COLQ: variants seen among roughly 807,000 people sequenced by gnomAD.
COLQ encodes the protein acetylcholinesterase collagenic tail peptide.
Under a neutral mutation model 69.0 loss-of-function variants are expected in COLQ, and 48 were observed. The observed-to-expected ratio is 0.70, with a 90% CI of 0.55 to 0.88. The LOEUF is 0.88. Ranked by LOEUF, COLQ falls within the 40% of genes least tolerant of loss-of-function variation. COLQ has a pLI of 0.00. For synonymous variants in COLQ, 217 were observed against 211.2 expected, an observed-to-expected ratio of 1.03 and a Z score of -0.24; for missense variants, 618 against 594.6, an observed-to-expected ratio of 1.04 and a Z score of -0.41.
intron 3 of COLQ, among the ~76,000 whole-genome samples, chr3:15,485,110 T>C (rs919064254): frequency 1.3e-5 from 2 of 151,972 alleles, no homozygotes; most frequent in African/African-American, 4.8e-5. Flanking sequence ...TTAGTTTTCC[T>C]TCTAACAGTC....
chr3:15,503,165 G>A (rs1346920014), intron 1 of COLQ, among the ~76,000 whole-genome samples: 1 of 152,144 alleles, frequency 6.6e-6, no homozygotes, highest in African/African-American at 2.4e-5. Flanking sequence ...GTCTGGTGGG[G>A]CAGTTTCCGG....
At position 15,474,053 on chromosome 3, in the gene COLQ, A is replaced by G. The variant is rs765946214; in HGVS notation, c.601-18T>C. 3 of 1,614,146 alleles carry G rather than the reference A, an allele frequency of 1.9e-6. No homozygotes were observed. The highest frequency in any genetic ancestry group is 4.5e-5 in the East Asian group (2 of 44,880). On this transcript the variant is annotated intron_variant, in intron 9 of 16. Coordinates refer to ENST00000383788, the MANE Select transcript of COLQ (RefSeq NM_005677.4). ...GGGAAACCCTGTGAAAAGAGCAACA[A>G]ATAATTGTGATCACCTCTGAAATAA...
chr3:15,463,134 G>A (rs1327974961), intron 12 of COLQ, among the ~76,000 whole-genome samples: 1 of 152,088 alleles, frequency 6.6e-6, no homozygotes, highest in Non-Finnish European at 1.5e-5. Context: ...CTCCAGCCTA[G>A]CCCTTCTCAT....
Position 15,478,941 on chromosome 3 carries a change from G to A in COLQ, c.393+36C>T, listed in dbSNP as rs774324184. The A allele has an allele frequency of 8.1e-6, 13 of 1,613,556 alleles. No individual in the cohort carries two copies. In the South Asian group the frequency reaches 9.9e-5, roughly 12 times the overall value. On this transcript the variant is annotated intron_variant, in intron 5 of 16. Transcript: ENST00000383788. ...GCATGCACACACATGAAGCACAGAC[G>A]CTCATGTGACACTCACAGAACAGCG...
chr3:15,470,644 AG>A, intron 10 of COLQ, 28 bp from the exon 11 acceptor site: 5 of 1,607,664 alleles, frequency 3.1e-6, no homozygotes, highest in Non-Finnish European at 4.3e-6. Flanking sequence ...GAAGCAAGAG[AG>A]GACTTAGGGC....
At chr3:15,475,521 G>A in intron 6 of COLQ, 34 bp from the exon 7 acceptor site, 1 of 1,550,596 alleles carries the variant, frequency 6.4e-7, no homozygotes, top group Non-Finnish European at 8.8e-7. Context: ...GACCCACGGT[G>A]ATATTTTTTA....
intron 1 of COLQ, among the ~76,000 whole-genome samples, chr3:15,503,737 C>T (rs956151606): frequency 6.6e-6 from 1 of 152,068 alleles, no homozygotes; most frequent in Non-Finnish European, 1.5e-5. Context: ...CAAGGTCAAA[C>T]ACAACCAGTA....
At position 15,466,344 on chromosome 3, in the gene COLQ, C is replaced by A. The variant is rs777577778; in HGVS notation, c.811G>T (p.Ala271Ser). 6.2e-7 allele frequency: 1 copy of A among 1,612,630 alleles called. No homozygotes were observed. The highest frequency in any genetic ancestry group is 1.1e-5 in the South Asian group (1 of 91,012). Residue 271 changes from alanine (A) to serine (S), a missense_variant, in exon 12 of 17, where the codon GCA becomes TCA. Coordinates refer to ENST00000383788, the MANE Select transcript of COLQ (RefSeq NM_005677.4). ...AGTGAAGCAGTGTAGCTCTTACCTG[C>A]AGGTGGGGGGCCTGGGGGCCCCGGA... ...GRPGPPGPPP[A>S]GQLIMGPKGE... is the part of the protein sequence containing the mutation.
intron 1 of COLQ, among the ~76,000 whole-genome samples, chr3:15,501,371 C>T (rs1323275718): frequency 6.6e-6 from 1 of 152,160 alleles, no homozygotes; most frequent in African/African-American, 2.4e-5. Context: ...GCATGCTGCT[C>T]CTGCTGTGTC....
At chr3:15,461,638 T>G (rs1167731086) in intron 12 of COLQ, among the ~76,000 whole-genome samples, 1 of 152,186 alleles carries the variant, frequency 6.6e-6, no homozygotes, top group African/African-American at 2.4e-5. Context: ...TAGGGCCGCC[T>G]GGCTGACACT....
At chr3:15,465,344 G>A (rs1395662725) in intron 12 of COLQ, among the ~76,000 whole-genome samples, 2 of 149,186 alleles carry the variant, frequency 1.3e-5, no homozygotes, top group African/African-American at 5.0e-5. Context: ...TCGACTCACT[G>A]CAAGCTCCGC....
chr3:15,499,022 C>G (rs1288247827), intron 1 of COLQ: 3 of 1,026,834 alleles, frequency 2.9e-6, no homozygotes, highest in Non-Finnish European at 3.6e-6. Context: ...CAAAGTCAAC[C>G]CCCCACCGAG....
intron 12 of COLQ, 124 bp from the exon 13 acceptor site, chr3:15,458,449 G>A (rs965887757): frequency 1.9e-6 from 2 of 1,055,748 alleles, no homozygotes; most frequent in African/African-American, 1.6e-5. Context: ...GGGTATGCCT[G>A]AGGGAGAGGT....
At chr3:15,517,034 C>T (rs948740146) in intron 1 of COLQ, among the ~76,000 whole-genome samples, 1 of 152,074 alleles carries the variant, frequency 6.6e-6, no homozygotes, top group African/African-American at 2.4e-5. Context: ...CCTAGCTACT[C>T]AAGAGGCAGA....
intron 1 of COLQ, among the ~76,000 whole-genome samples, chr3:15,502,834 G>A (rs982948777): frequency 4.6e-5 from 7 of 152,190 alleles, no homozygotes; most frequent in African/African-American, 1.2e-4. Context: ...CATTGCCTGC[G>A]CTGCATACTT....
chr3:15,465,105 T>G (rs936388904), intron 12 of COLQ, among the ~76,000 whole-genome samples: 1 of 151,642 alleles, frequency 6.6e-6, no homozygotes, highest in African/African-American at 2.4e-5. Context: ...ACCCGGGAGG[T>G]GGAGGTTGCA....
At chr3:15,496,539 T>C (rs1242161702) in intron 1 of COLQ, among the ~76,000 whole-genome samples, 1 of 152,234 alleles carries the variant, frequency 6.6e-6, no homozygotes, top group Non-Finnish European at 1.5e-5. Flanking sequence ...GAAGGCTCTG[T>C]TGTATTGAAA....
chr3:15,464,761 C>T (rs770711743), intron 12 of COLQ, among the ~76,000 whole-genome samples: 1 of 152,170 alleles, frequency 6.6e-6, no homozygotes, highest in Non-Finnish European at 1.5e-5. Context: ...GAAAATGTTG[C>T]AGTCAACAAA....
intron 3 of COLQ, among the ~76,000 whole-genome samples, chr3:15,479,726 G>A (rs1457015590): frequency 6.6e-6 from 1 of 152,190 alleles, no homozygotes; most frequent in Non-Finnish European, 1.5e-5. Flanking sequence ...CCCATTTGCT[G>A]AAAACAAGAG....
Sources: allele counts gnomAD v4.1 joint callset (sites outside exome capture counted in the v4.1 genomes callset), GRCh38; gene constraint gnomAD v4.1.1; transcripts MANE v1.5; gene names NCBI Gene and HGNC (gene_info 2026-07-23, HGNC 2026-07-21).